Variants in MACROD2 observed in about 807,000 individuals in gnomAD.
MACROD2 encodes the protein ADP-ribose glycohydrolase MACROD2.
Under a neutral mutation model 70.4 loss-of-function variants are expected in MACROD2, and 36 were observed. That is an observed-to-expected ratio of 0.51 (90% confidence interval 0.39 to 0.68). The LOEUF is 0.68. MACROD2 is among the 30% of genes least tolerant of loss of function. The probability of loss-of-function intolerance (pLI) is 0.00; values close to 1 mark genes in which losing one functional copy is unlikely to be tolerated. For missense variants in MACROD2, 496 were observed against 538.4 expected (o/e 0.92, Z 0.78); for synonymous variants, 172 against 178.8 (o/e 0.96, Z 0.30).
chr20:14,958,913 G>A (rs2074560163), intron 5 of MACROD2, among the ~76,000 whole-genome samples: 3 of 152,066 alleles, frequency 2.0e-5, no homozygotes, highest in African/African-American at 7.2e-5. Flanking sequence ...CTAGTCTGGG[G>A]ACCATACCTA....
intron 3 of MACROD2, among the ~76,000 whole-genome samples, chr20:14,382,758 G>A (rs2083435951): frequency 6.6e-6 from 1 of 152,090 alleles, no homozygotes; most frequent in South Asian, 2.1e-4. Flanking sequence ...AGTATTCTAT[G>A]TTTTCAAAAA....
intron 5 of MACROD2, among the ~76,000 whole-genome samples, chr20:15,014,712 T>A (rs1338197356): frequency 1.3e-5 from 2 of 152,170 alleles, no homozygotes; most frequent in Admixed American, 6.5e-5. Context: ...ACATTCCATA[T>A]TGCTTCTGAA....
rs147325274 is a variant in MACROD2 at position 15,927,913 on chromosome 20, T to G, written c.776-5363T>G. Among the ~76,000 whole-genome samples the G allele has an allele frequency of 4.1e-3, 630 of 152,216 alleles. 4 individuals are homozygous for G. Among genetic ancestry groups the G allele is most frequent in the African/African-American group, 0.014 (599 of 41,528 alleles). On this transcript the variant is annotated intron_variant, in intron 10 of 17. Coordinates refer to ENST00000684519, the MANE Select transcript of MACROD2 (RefSeq NM_001351661.2). Reference sequence around the variant, plus strand: ...GGTGTTTGCATTGGAGAGAGGATGGTGCTGAGGGGTCACAGGGTTTGGACA... The same window carrying G: ...GGTGTTTGCATTGGAGAGAGGATGGGGCTGAGGGGTCACAGGGTTTGGACA...
At chr20:15,292,815 C>T (rs2146110027) in intron 6 of MACROD2, among the ~76,000 whole-genome samples, 2 of 152,140 alleles carry the variant, frequency 1.3e-5, no homozygotes, top group Middle Eastern at 3.4e-3. Flanking sequence ...TGGTTTAATG[C>T]TTCCATTCAA....
intron 3 of MACROD2, among the ~76,000 whole-genome samples, chr20:14,366,264 A>G (rs1401942777): frequency 1.3e-5 from 2 of 151,728 alleles, no homozygotes; most frequent in African/African-American, 4.8e-5. Context: ...TTTTTGCTTT[A>G]TATATTTGGT....
At chr20:15,728,541 GT>G (rs1362659857) in intron 8 of MACROD2, among the ~76,000 whole-genome samples, 2 of 152,082 alleles carry the variant, frequency 1.3e-5, no homozygotes, top group Non-Finnish European at 2.9e-5. Flanking sequence ...GCTTTTTCTG[GT>G]TGGTAGGCTT....
At chr20:15,751,468 T>A (rs1283276458) in intron 8 of MACROD2, among the ~76,000 whole-genome samples, 4 of 152,084 alleles carry the variant, frequency 2.6e-5, no homozygotes, top group African/African-American at 9.7e-5. Flanking sequence ...CAGTTGTTCA[T>A]TGAAGGGTAA....
intron 3 of MACROD2, among the ~76,000 whole-genome samples, chr20:14,461,514 T>C (rs1243609736): frequency 6.6e-6 from 1 of 151,788 alleles, no homozygotes; most frequent in Non-Finnish European, 1.5e-5. Flanking sequence ...TTTTTTTTTA[T>C]TATACTTTAA....
At chr20:14,979,969 A>G (rs2074782198) in intron 5 of MACROD2, among the ~76,000 whole-genome samples, 1 of 152,142 alleles carries the variant, frequency 6.6e-6, no homozygotes, top group Non-Finnish European at 1.5e-5. Context: ...GAGATGACTT[A>G]TCTACTATGT....
intron 3 of MACROD2, chr20:14,352,432 A>G (rs976639807): frequency 1.6e-4 from 25 of 152,190 alleles, no homozygotes; most frequent in African/African-American, 5.8e-4. Context: ...TTAAAAAAGA[A>G]AAAAATACTC....
At chr20:14,588,136 A>T (rs919529992) in intron 4 of MACROD2, among the ~76,000 whole-genome samples, 6 of 152,214 alleles carry the variant, frequency 3.9e-5, no homozygotes, top group Non-Finnish European at 7.4e-5. Flanking sequence ...TTTCTTAATG[A>T]TTTTATAGAA....
intron 8 of MACROD2, among the ~76,000 whole-genome samples, chr20:15,516,614 G>C (rs2047571228): frequency 6.6e-6 from 1 of 152,048 alleles, no homozygotes; most frequent in South Asian, 2.1e-4. Flanking sequence ...GAAGGTAGAG[G>C]GCAGCCTGAA....
chr20:14,054,909 C>G (rs573349131), intron 2 of MACROD2, among the ~76,000 whole-genome samples: 1 of 152,210 alleles, frequency 6.6e-6, no homozygotes, highest in African/African-American at 2.4e-5. Context: ...TCTCAAAGTT[C>G]AGGTTCCTGA....
intron 5 of MACROD2, among the ~76,000 whole-genome samples, chr20:15,025,946 G>A (rs1378855087): frequency 2.0e-5 from 3 of 152,160 alleles, no homozygotes; most frequent in Non-Finnish European, 2.9e-5. Flanking sequence ...AAATCCTGTG[G>A]TGCAACTGTC....
chr20:16,022,302 C>T (rs772075365), intron 15 of MACROD2, among the ~76,000 whole-genome samples: 7 of 152,148 alleles, frequency 4.6e-5, no homozygotes, highest in Admixed American at 2.0e-4. Context: ...CCGCCCACCT[C>T]GGCCTCCCAA....
chr20:14,206,485 G>C (rs1330486436), intron 3 of MACROD2, among the ~76,000 whole-genome samples: 1 of 152,130 alleles, frequency 6.6e-6, no homozygotes, highest in Non-Finnish European at 1.5e-5. Context: ...GCTTCTCTAA[G>C]TGCTCAAAAA....
intron 3 of MACROD2, among the ~76,000 whole-genome samples, chr20:14,192,281 TCA>T (rs769529399): frequency 2.0e-5 from 3 of 152,126 alleles, no homozygotes; most frequent in Non-Finnish European, 4.4e-5. Context: ...TTCTTGAGGC[TCA>T]GTTTTATCTG....
intron 6 of MACROD2, among the ~76,000 whole-genome samples, chr20:15,357,798 C>CTTTTTTT (rs200860242): frequency 7.4e-6 from 1 of 135,636 alleles, no homozygotes; most frequent in African/African-American, 2.8e-5. Flanking sequence ...TTCATTCATT[C>CTTTTTTT]TTTTTTTTTT....
At chr20:15,789,050 T>C (rs1239913354) in intron 8 of MACROD2, among the ~76,000 whole-genome samples, 1 of 152,248 alleles carries the variant, frequency 6.6e-6, no homozygotes. Flanking sequence ...TGAGCAACTT[T>C]GCATTTTAGG....
Sources: allele counts gnomAD v4.1 joint callset (sites outside exome capture counted in the v4.1 genomes callset), GRCh38; gene constraint gnomAD v4.1.1; transcripts MANE v1.5; gene names NCBI Gene and HGNC (gene_info 2026-07-23, HGNC 2026-07-21).